PLD1: variants seen among roughly 807,000 people sequenced by gnomAD.
PLD1 encodes phospholipase D1.
A neutral mutation model predicts 137.1 loss-of-function variants in PLD1; 112 were observed. That is an observed-to-expected ratio of 0.82 (90% CI 0.70 to 0.96). PLD1 has a LOEUF of 0.96. Ranked by LOEUF, PLD1 falls within the 40% of genes least tolerant of loss-of-function variation. The pLI is 0.00. For missense variants in PLD1, 1,321 were observed against 1,342.0 expected (o/e 0.98, Z 0.24); for synonymous variants, 431 against 454.7 (o/e 0.95, Z 0.66).
chr3:171,681,866 C>G (rs947835172), intron 16 of PLD1, among the ~76,000 whole-genome samples: 3 of 152,158 alleles, frequency 2.0e-5, no homozygotes, highest in African/African-American at 4.8e-5. Context: ...TGTGACGAGA[C>G]ATTCAAATTT....
chr3:171,783,060 T>G (rs9968074), intron 1 of PLD1, among the ~76,000 whole-genome samples: 82,379 of 151,760 alleles, frequency 0.54, 22,745 homozygotes, highest in Middle Eastern at 0.75. Context: ...GCTTCTAGTT[T>G]CCCAGTGATA....
intron 11 of PLD1, among the ~76,000 whole-genome samples, chr3:171,703,649 T>C (rs1342689303): frequency 6.6e-6 from 1 of 152,138 alleles, no homozygotes; most frequent in Non-Finnish European, 1.5e-5. Context: ...ATACAAAATA[T>C]TGCTGAGAAA....
intron 1 of PLD1, among the ~76,000 whole-genome samples, chr3:171,806,620 T>A (rs992327825): frequency 2.0e-5 from 3 of 152,214 alleles, no homozygotes; most frequent in Non-Finnish European, 2.9e-5. Context: ...ACTACAAGTT[T>A]AAAGAGACAT....
At chr3:171,687,170 A>C (rs1014290070) in intron 15 of PLD1, among the ~76,000 whole-genome samples, 1 of 152,222 alleles carries the variant, frequency 6.6e-6, no homozygotes, top group African/African-American at 2.4e-5. Flanking sequence ...TTTTGTGTGG[A>C]TAAAACAATA....
At chr3:171,625,750 G>T (rs903160011) in intron 23 of PLD1, among the ~76,000 whole-genome samples, 1 of 152,212 alleles carries the variant, frequency 6.6e-6, no homozygotes, top group Non-Finnish European at 1.5e-5. Flanking sequence ...AGGGTCTGGA[G>T]TGGACCTCTA....
intron 5 of PLD1, among the ~76,000 whole-genome samples, chr3:171,734,203 AT>A (rs774472607): frequency 1.3e-5 from 2 of 152,242 alleles, no homozygotes; most frequent in Non-Finnish European, 2.9e-5. Flanking sequence ...GCCTACAAAG[AT>A]TTTAAACAAG....
intron 1 of PLD1, among the ~76,000 whole-genome samples, chr3:171,753,677 C>T (rs934213009): frequency 3.3e-5 from 5 of 152,112 alleles, no homozygotes; most frequent in South Asian, 2.1e-4. Context: ...CCTCCTCTGC[C>T]TCTCCTGTCT....
intron 11 of PLD1, among the ~76,000 whole-genome samples, chr3:171,705,039 T>C (rs960833731): frequency 6.6e-5 from 10 of 152,182 alleles, no homozygotes; most frequent in African/African-American, 2.4e-4. Context: ...TCATGCTCGC[T>C]ACCTCCCCCG....
At chr3:171,736,809 G>A (rs1291445064) in intron 3 of PLD1, among the ~76,000 whole-genome samples, 2 of 152,210 alleles carry the variant, frequency 1.3e-5, no homozygotes, top group Non-Finnish European at 2.9e-5. Flanking sequence ...CCACCCTGCA[G>A]CAATTGTCCT....
chr3:171,735,898 T>C lies in PLD1; in HGVS notation c.289-261A>G, dbSNP rs375020421. Among the ~76,000 whole-genome samples, 14 of 152,294 alleles carry C rather than the reference T, an allele frequency of 9.2e-5. 1 individual carries two copies. The highest frequency in any genetic ancestry group is 3.4e-4 in the African/African-American group (14 of 41,552). On this transcript the variant is annotated intron_variant, in intron 3 of 26. Transcript: ENST00000351298. ...ACAAACGCTGTTCCTCCAACATATGTGCGTGTATGCATCCACGCACACACA... is the reference window on the plus strand; with the variant it reads ...ACAAACGCTGTTCCTCCAACATATGCGCGTGTATGCATCCACGCACACACA...
chr3:171,676,541 C>CT (rs3214830), intron 18 of PLD1, among the ~76,000 whole-genome samples, 174 bp downstream of exon 18: 4 of 151,182 alleles, frequency 2.6e-5, no homozygotes, highest in African/African-American at 9.7e-5. Context: ...GAATGTTTCC[C>CT]TTTTTTTTTG....
intron 1 of PLD1, among the ~76,000 whole-genome samples, chr3:171,781,866 A>C (rs1390035997): frequency 6.6e-6 from 1 of 152,126 alleles, no homozygotes; most frequent in African/African-American, 2.4e-5. Flanking sequence ...CCTATGACCC[A>C]GTTATTTCAT....
chr3:171,808,262 T>C (rs1370988020), intron 1 of PLD1, among the ~76,000 whole-genome samples: 1 of 148,406 alleles, frequency 6.7e-6, no homozygotes, highest in Non-Finnish European at 1.5e-5. Context: ...TAGGGTCGGG[T>C]GCAGTGGCTC....
At chr3:171,686,064 C>CA (rs1347967372) in intron 16 of PLD1, among the ~76,000 whole-genome samples, 1 of 145,762 alleles carries the variant, frequency 6.9e-6, no homozygotes, top group Non-Finnish European at 1.5e-5. Flanking sequence ...GCGGAGGGTG[C>CA]AGTGAGCCAA....
intron 12 of PLD1, among the ~76,000 whole-genome samples, chr3:171,697,231 G>A (rs114825190): frequency 0.011 from 1,537 of 144,482 alleles, 34 homozygotes; most frequent in African/African-American, 0.039. Context: ...GTCACCTTCC[G>A]GACACCTTTT....
intron 19 of PLD1, 129 bp from the exon 20 acceptor site, chr3:171,662,299 G>A (rs1310718303): frequency 5.0e-6 from 3 of 599,572 alleles, no homozygotes; most frequent in Admixed American, 2.7e-5. Context: ...TGTCATGTGT[G>A]AACCAAAGGA....
chr3:171,656,311 C>A (rs1578201654), intron 21 of PLD1, among the ~76,000 whole-genome samples: 1 of 152,040 alleles, frequency 6.6e-6, no homozygotes, highest in Non-Finnish European at 1.5e-5. Flanking sequence ...GCTGGGACTA[C>A]AGTCATGCAC....
At chr3:171,630,707 C>G (rs1224611026) in intron 23 of PLD1, among the ~76,000 whole-genome samples, 3 of 146,488 alleles carry the variant, frequency 2.0e-5, no homozygotes, top group African/African-American at 7.9e-5. Flanking sequence ...AGTTCATGTC[C>G]TTTGTAGGGA....
chr3:171,615,538 T>A (rs1402296664), intron 24 of PLD1, among the ~76,000 whole-genome samples: 1 of 152,214 alleles, frequency 6.6e-6, no homozygotes, highest in Non-Finnish European at 1.5e-5. Flanking sequence ...GAAGACTTGA[T>A]GTTTAACTTT....
Sources: allele counts gnomAD v4.1 joint callset (sites outside exome capture counted in the v4.1 genomes callset), GRCh38; gene constraint gnomAD v4.1.1; transcripts MANE v1.5; gene names NCBI Gene and HGNC (gene_info 2026-07-23, HGNC 2026-07-21).